TPX2: variants seen among roughly 807,000 people sequenced by gnomAD.
TPX2 encodes targeting protein for Xklp2.
Under a neutral mutation model 93.6 loss-of-function variants are expected in TPX2, and 21 were observed. The ratio of observed to expected loss-of-function variants is 0.22; its 90% confidence interval spans 0.16 to 0.32. The LOEUF (loss-of-function observed/expected upper bound fraction) is 0.32, where lower values mean the gene tolerates loss of function less well. Among genes scored for constraint, TPX2 ranks in the 10% least tolerant of loss-of-function variants. The pLI is 1.00. For synonymous variants in TPX2, 281 were observed against 298.3 expected (o/e 0.94, Z 0.60); for missense variants, 776 against 871.1 (o/e 0.89, Z 1.37).
intron 9 of TPX2, 68 bp from the exon 10 acceptor site, chr20:31,778,745 A>G (rs1055179354): frequency 7.1e-7 from 1 of 1,413,568 alleles, no homozygotes; most frequent in Admixed American, 2.6e-5. Flanking sequence ...TGTGCCGAAT[A>G]TGTGGCTTAT....
At chr20:31,773,228 T>C (rs1450702707) in intron 7 of TPX2, among the ~76,000 whole-genome samples, 1 of 149,532 alleles carries the variant, frequency 6.7e-6, no homozygotes, top group Non-Finnish European at 1.5e-5. Context: ...TTCGGCTCAC[T>C]GCAACCTCTG....
chr20:31,791,409 G>A (rs1471467003), intron 12 of TPX2, among the ~76,000 whole-genome samples: 2 of 151,968 alleles, frequency 1.3e-5, no homozygotes, highest in African/African-American at 4.8e-5. Flanking sequence ...TCAGCCTCCC[G>A]AGTAGCTGGG....
chr20:31,782,203 C>A, intron 10 of TPX2, 46 bp from the exon 11 acceptor site: 1 of 1,566,820 alleles, frequency 6.4e-7, no homozygotes, highest in South Asian at 1.2e-5. Flanking sequence ...TACAAGTAAA[C>A]TGGGTCTTGC....
intron 1 of TPX2, among the ~76,000 whole-genome samples, chr20:31,742,238 C>T (rs1328175624): frequency 2.1e-5 from 3 of 146,024 alleles, no homozygotes; most frequent in Admixed American, 1.4e-4. Context: ...CACTGGCTGG[C>T]GCAATCTTGG....
rs762224384 is a variant in TPX2 at position 31,792,837 on chromosome 20, C to A, written c.1509+7C>A. The A allele has an allele frequency of 2.5e-6, 4 of 1,613,050 alleles. No individual in the cohort carries two copies. Among genetic ancestry groups the A allele is most frequent in the Non-Finnish European group, 3.4e-6 (4 of 1,179,054 alleles). On this transcript the variant is annotated splice_region_variant and intron_variant, in intron 13 of 17. Transcript: ENST00000300403. The stretch of plus-strand genomic sequence containing the variant: ...GCCCACCAAAGAAGATGAGGTGATT[C>A]CCTGGGAGTAGGGGGGTTCTTTTTC...
chr20:31,784,053 A>G, intron 12 of TPX2, 132 bp downstream of exon 12: 1 of 978,764 alleles, frequency 1.0e-6, no homozygotes, highest in Non-Finnish European at 1.5e-6. Flanking sequence ...AAAGAGACTT[A>G]TCGGAAGTGG....
chr20:31,744,143 T>C lies in TPX2; in HGVS notation c.-71+1496T>C, dbSNP rs188642964. On this transcript the variant is annotated intron_variant, in intron 2 of 17. Coordinates refer to ENST00000300403, the MANE Select transcript of TPX2 (RefSeq NM_012112.5). Reference sequence around the variant, plus strand: ...TAAAAAAATCATACACTAAAAACTTTTGTTAATTTTTTTAACTTTTTTTTT... The same window carrying C: ...TAAAAAAATCATACACTAAAAACTTCTGTTAATTTTTTTAACTTTTTTTTT... Among the ~76,000 whole-genome samples, 240 of 151,002 alleles carry C rather than the reference T, an allele frequency of 1.6e-3. 4 individuals are homozygous for C. The highest frequency in any genetic ancestry group is 8.3e-3 in the East Asian group (43 of 5,184).
chr20:31,779,100 C>G (rs570950384), intron 10 of TPX2, 116 bp downstream of exon 10: 223 of 1,162,446 alleles, frequency 1.9e-4, no homozygotes, highest in Non-Finnish European at 2.5e-4. Context: ...TAAAGTATGG[C>G]GTGTGACTAT....
chr20:31,782,522 G>T, intron 11 of TPX2, 132 bp downstream of exon 11: 1 of 1,121,216 alleles, frequency 8.9e-7, no homozygotes, highest in Non-Finnish European at 1.2e-6. Flanking sequence ...GGCTCTGCAG[G>T]CTACGCCCCT....
At chr20:31,756,623 TTTA>T (rs1440740968) in intron 2 of TPX2, among the ~76,000 whole-genome samples, 2 of 151,936 alleles carry the variant, frequency 1.3e-5, no homozygotes, top group African/African-American at 4.8e-5. Context: ...TTTATTTTTA[TTTA>T]TTATTATTTT....
chr20:31,797,797 C>G, intron 16 of TPX2, among the ~76,000 whole-genome samples: 1 of 152,128 alleles, frequency 6.6e-6, no homozygotes, highest in Non-Finnish European at 1.5e-5. Flanking sequence ...CACAGAGAAA[C>G]AAGTAAATGA....
intron 1 of TPX2, among the ~76,000 whole-genome samples, chr20:31,740,124 G>A (rs541365092): frequency 6.6e-6 from 1 of 152,008 alleles, no homozygotes; most frequent in African/African-American, 2.4e-5. Context: ...ACCAAACCAG[G>A]TTATAATGTA....
At chr20:31,796,433 A>G (rs1353698719) in intron 15 of TPX2, among the ~76,000 whole-genome samples, 1 of 152,236 alleles carries the variant, frequency 6.6e-6, no homozygotes, top group African/African-American at 2.4e-5. Context: ...ATTTCTCATA[A>G]TTTTTTAAAC....
At chr20:31,787,930 G>A (rs1457249638) in intron 12 of TPX2, among the ~76,000 whole-genome samples, 1 of 152,120 alleles carries the variant, frequency 6.6e-6, no homozygotes, top group African/African-American at 2.4e-5. Context: ...GGGCCCCCAA[G>A]GAATTTTCAA....
At chr20:31,766,068 C>T (rs2123008844) in intron 4 of TPX2, among the ~76,000 whole-genome samples, 1 of 152,284 alleles carries the variant, frequency 6.6e-6, no homozygotes, top group East Asian at 1.9e-4. Context: ...TTGAAAATGG[C>T]ATTGTTTCAC....
At chr20:31,775,084 C>T (rs568601744) in intron 7 of TPX2, among the ~76,000 whole-genome samples, 135 of 152,012 alleles carry the variant, frequency 8.9e-4, no homozygotes, top group African/African-American at 3.2e-3. Flanking sequence ...CTCAGCCTCC[C>T]GAGTAGCTAG....
chr20:31,793,401 A>G (rs2062115224), intron 13 of TPX2, among the ~76,000 whole-genome samples: 1 of 152,182 alleles, frequency 6.6e-6, no homozygotes, highest in African/African-American at 2.4e-5. Flanking sequence ...TTATAGGTTC[A>G]TTTGAAACTA....
intron 7 of TPX2, among the ~76,000 whole-genome samples, chr20:31,773,479 A>G (rs1451820751): frequency 6.7e-6 from 1 of 148,690 alleles, no homozygotes; most frequent in South Asian, 2.1e-4. Context: ...TTTAGTAGAG[A>G]TGGGGTTTCA....
intron 4 of TPX2, 65 bp from the exon 5 acceptor site, chr20:31,766,491 G>GTGTGTC (rs1555880885): frequency 6.9e-7 from 1 of 1,459,784 alleles, no homozygotes; most frequent in Non-Finnish European, 9.4e-7. Context: ...GTGTGTGTGT[G>GTGTGTC]TGTGTCTCAT....
Sources: allele counts gnomAD v4.1 joint callset (sites outside exome capture counted in the v4.1 genomes callset), GRCh38; gene constraint gnomAD v4.1.1; transcripts MANE v1.5; gene names NCBI Gene and HGNC (gene_info 2026-07-23, HGNC 2026-07-21).